Variants in ELP4 observed in about 807,000 individuals in gnomAD.
ELP4 encodes elongator complex protein 4.
A neutral mutation model predicts 48.9 loss-of-function variants in ELP4; 51 were observed. That is an observed-to-expected ratio of 1.04 (90% CI 0.83 to 1.32). ELP4 has a LOEUF of 1.32. ELP4 is among the 40% of genes most tolerant of loss of function. The pLI is 0.00. For missense variants in ELP4, 519 were observed against 514.6 expected (o/e 1.01, Z -0.08); for synonymous variants, 210 against 189.2 (o/e 1.11, Z -0.90).
chr11:31,632,049 A>C (rs750920571), intron 6 of ELP4, among the ~76,000 whole-genome samples, 168 bp from the exon 7 acceptor site: 1 of 152,106 alleles, frequency 6.6e-6, no homozygotes, highest in Non-Finnish European at 1.5e-5. Context: ...CTTGTAATCT[A>C]AACAGTTTCA....
chr11:31,526,824 A>G (rs1565035943), intron 2 of ELP4, among the ~76,000 whole-genome samples: 1 of 151,876 alleles, frequency 6.6e-6, no homozygotes, highest in East Asian at 1.9e-4. Flanking sequence ...GTTATTTTCA[A>G]TGTGTACTTT....
intron 1 of ELP4, chr11:31,510,540 A>G (rs1955972089): frequency 2.5e-6 from 1 of 402,634 alleles, no homozygotes; most frequent in Non-Finnish European, 4.4e-6. Context: ...TTAAAGGCTT[A>G]TGTTGACACA....
chr11:31,567,450 C>G (rs1458673070), intron 3 of ELP4, among the ~76,000 whole-genome samples: 1 of 152,024 alleles, frequency 6.6e-6, no homozygotes, highest in African/African-American at 2.4e-5. Flanking sequence ...ATTTGAACAC[C>G]AAGAAAAACA....
At position 31,603,910 on chromosome 11, in the gene ELP4, A is replaced by C. The variant is rs773657701; in HGVS notation, c.653+3A>C. 1 of 1,609,802 alleles carries C rather than the reference A, an allele frequency of 6.2e-7. No individual in the cohort carries two copies. The highest frequency in any genetic ancestry group is 1.7e-5 in the Admixed American group (1 of 59,732). ...TCAACTCTCAAAGTAGAACCCTGGT[A>C]AGTTAATGACCCATTTAATAACAAA... On this transcript the variant is annotated splice_donor_region_variant and intron_variant, in intron 5 of 9. Transcript: ENST00000640961.
intron 6 of ELP4, among the ~76,000 whole-genome samples, chr11:31,631,308 T>A (rs1283344272): frequency 6.6e-6 from 1 of 152,148 alleles, no homozygotes; most frequent in East Asian, 1.9e-4. Flanking sequence ...AGAAATCACT[T>A]GTAGAGTAGC....
chr11:31,741,387 T>G (rs1236241962), intron 9 of ELP4, among the ~76,000 whole-genome samples: 1 of 152,162 alleles, frequency 6.6e-6, no homozygotes, highest in Non-Finnish European at 1.5e-5. Context: ...CTGACAGCTT[T>G]GAAGAGAGCA....
chr11:31,575,223 G>A (rs978153153), intron 3 of ELP4, among the ~76,000 whole-genome samples: 1 of 152,204 alleles, frequency 6.6e-6, no homozygotes, highest in Non-Finnish European at 1.5e-5. Flanking sequence ...AATGAAGCGA[G>A]AAGAGAAGTT....
intron 9 of ELP4, chr11:31,707,132 T>C (rs959847882): frequency 7.6e-6 from 3 of 396,142 alleles, no homozygotes; most frequent in Admixed American, 8.8e-5. Flanking sequence ...GTAGTTTCAT[T>C]TGCAGTTTCT....
chr11:31,615,444 A>T (rs1488153074), intron 5 of ELP4, among the ~76,000 whole-genome samples: 2 of 152,066 alleles, frequency 1.3e-5, no homozygotes, highest in Non-Finnish European at 2.9e-5. Flanking sequence ...GGGTTAATGA[A>T]TTTTAGCCAT....
At chr11:31,603,450 G>A (rs1957816406) in intron 4 of ELP4, among the ~76,000 whole-genome samples, 1 of 151,510 alleles carries the variant, frequency 6.6e-6, no homozygotes, top group Non-Finnish European at 1.5e-5. Flanking sequence ...TAAGAATTAT[G>A]TATATTAAGT....
intron 9 of ELP4, among the ~76,000 whole-genome samples, chr11:31,688,339 G>A (rs1946206289): frequency 6.6e-6 from 1 of 152,120 alleles, no homozygotes; most frequent in African/African-American, 2.4e-5. Context: ...ATACATGCCT[G>A]CTTACCAGGA....
intron 5 of ELP4, among the ~76,000 whole-genome samples, chr11:31,626,587 G>A (rs1033933219): frequency 3.3e-5 from 5 of 151,744 alleles, no homozygotes; most frequent in Non-Finnish European, 5.9e-5. Flanking sequence ...AACAAGGGAA[G>A]TGAAAATCAT....
rs1176996549 is a variant in ELP4 at position 31,547,912 on chromosome 11, A to G, written c.381+8129A>G. On this transcript the variant is annotated intron_variant, in intron 3 of 9. Transcript: ENST00000640961. ...ACATGATTATCTCAATAGATGCAGAAAAGGCCTTTGACAAAATTCAACAAC... is the reference window on the plus strand; with the variant it reads ...ACATGATTATCTCAATAGATGCAGAGAAGGCCTTTGACAAAATTCAACAAC... Among the ~76,000 whole-genome samples the G allele has an allele frequency of 2.6e-5, 4 of 152,184 alleles. No individual in the cohort carries two copies. The South Asian group carries it at 6.2e-4, about 24-fold the overall frequency.
At chr11:31,579,122 A>G (rs1195516529) in intron 3 of ELP4, among the ~76,000 whole-genome samples, 1 of 152,216 alleles carries the variant, frequency 6.6e-6, no homozygotes, top group African/African-American at 2.4e-5. Context: ...AAAGTGGGCA[A>G]AGGATATGGA....
At chr11:31,521,312 A>C (rs1956210786) in intron 2 of ELP4, among the ~76,000 whole-genome samples, 1 of 151,904 alleles carries the variant, frequency 6.6e-6, no homozygotes, top group African/African-American at 2.4e-5. Context: ...TTAATACAAC[A>C]ACCTCAGAAG....
chr11:31,760,477 C>G (rs1201798601), intron 9 of ELP4, among the ~76,000 whole-genome samples: 1 of 152,094 alleles, frequency 6.6e-6, no homozygotes, highest in Non-Finnish European at 1.5e-5. Flanking sequence ...AAGTTCTTTT[C>G]CTTAAGTAGA....
chr11:31,598,212 C>T lies in ELP4; in HGVS notation c.513+3311C>T, dbSNP rs529765127. On this transcript the variant is annotated intron_variant, in intron 4 of 9. Transcript: ENST00000640961. ...CTCGTGATCCGCCGACCTCGGCCTC[C>T]GAAAGTGTTGGGATTACAGGTGTGA... is the stretch of plus-strand genomic sequence containing the variant. Among the ~76,000 whole-genome samples the T allele has an allele frequency of 7.8e-4, 118 of 151,938 alleles. 2 individuals are homozygous for T. Among genetic ancestry groups the T allele is most frequent in the African/African-American group, 2.5e-3 (102 of 41,480 alleles).
chr11:31,769,598 T>A (rs1011533170), intron 9 of ELP4, among the ~76,000 whole-genome samples: 2 of 152,216 alleles, frequency 1.3e-5, no homozygotes, highest in African/African-American at 4.8e-5. Flanking sequence ...AATTGGATAG[T>A]GGATCTGCTG....
At chr11:31,605,546 C>A (rs1475173485) in intron 5 of ELP4, among the ~76,000 whole-genome samples, 2 of 152,090 alleles carry the variant, frequency 1.3e-5, no homozygotes, top group African/African-American at 4.8e-5. Context: ...TCTCCATTAA[C>A]AGAGTGCTTA....
Sources: allele counts gnomAD v4.1 joint callset (sites outside exome capture counted in the v4.1 genomes callset), GRCh38; gene constraint gnomAD v4.1.1; transcripts MANE v1.5; gene names NCBI Gene and HGNC (gene_info 2026-07-23, HGNC 2026-07-21).